PACRG: variants seen among roughly 807,000 people sequenced by gnomAD.
PACRG encodes parkin coregulated gene protein.
In PACRG, 29 loss-of-function variants were observed where a neutral mutation model predicts 29.7. The observed-to-expected ratio is 0.98, with a 90% confidence interval of 0.73 to 1.33. PACRG has a LOEUF of 1.33. Among genes scored for constraint, PACRG ranks in the 40% most tolerant of loss-of-function variants. The pLI, the probability that PACRG is intolerant of heterozygous loss-of-function variation, is 0.00. For synonymous variants in PACRG, 116 were observed against 118.7 expected (o/e 0.98, Z 0.15); for missense variants, 279 against 316.2 (o/e 0.88, Z 0.89).
At chr6:163,148,979 G>GGGGGGGGGGGAA (rs1562939620) in intron 4 of PACRG, among the ~76,000 whole-genome samples, 1 of 32,422 alleles carries the variant, frequency 3.1e-5, no homozygotes, top group African/African-American at 1.4e-4. Context: ...GGGGGGGGGG[G>GGGGGGGGGGGAA]GGTGGAAAAA....
chr6:163,208,393 G>C (rs1388666370), intron 4 of PACRG, among the ~76,000 whole-genome samples: 1 of 147,474 alleles, frequency 6.8e-6, no homozygotes, highest in Non-Finnish European at 1.5e-5. Flanking sequence ...GCAGAGATCA[G>C]AATCTAAGCT....
intron 2 of PACRG, among the ~76,000 whole-genome samples, chr6:163,022,494 T>C (rs1017402161): frequency 3.6e-4 from 55 of 152,066 alleles, no homozygotes; most frequent in African/African-American, 1.3e-3. Flanking sequence ...GACCCCTTGG[T>C]GGGAATGTGG....
intron 2 of PACRG, among the ~76,000 whole-genome samples, chr6:162,845,686 G>C (rs1790309659): frequency 1.3e-5 from 2 of 152,118 alleles, no homozygotes; most frequent in Admixed American, 1.3e-4. Context: ...CAGAAGCTTA[G>C]GACTTTAGCC....
chr6:162,978,428 T>C (rs59090823), intron 2 of PACRG, among the ~76,000 whole-genome samples: 10,778 of 151,976 alleles, frequency 0.071, 1,025 homozygotes, highest in African/African-American at 0.21. Context: ...TCTCTGGCTC[T>C]ATCTCTGTCT....
chr6:163,183,077 GA>G (rs1168963890), intron 4 of PACRG: 1 of 152,240 alleles, frequency 6.6e-6, no homozygotes, highest in African/African-American at 2.4e-5. Flanking sequence ...GACAATTGAA[GA>G]GTGAATGAAT....
chr6:163,035,051 G>A (rs542257470), intron 2 of PACRG, among the ~76,000 whole-genome samples: 37 of 152,284 alleles, frequency 2.4e-4, no homozygotes, highest in African/African-American at 8.9e-4. Context: ...CTTGTAAACT[G>A]TCATGGTGCT....
At chr6:162,905,226 G>A (rs1795849471) in intron 2 of PACRG, among the ~76,000 whole-genome samples, 1 of 152,142 alleles carries the variant, frequency 6.6e-6, no homozygotes, top group African/African-American at 2.4e-5. Context: ...GGCTTGGGAG[G>A]AGATGTTTAA....
At chr6:162,868,482 C>G (rs971376876) in intron 2 of PACRG, among the ~76,000 whole-genome samples, 2 of 152,214 alleles carry the variant, frequency 1.3e-5, no homozygotes. Context: ...TGGTGAGATG[C>G]GCGGTCCACA....
chr6:163,138,573 G>A (rs563602320), intron 4 of PACRG, among the ~76,000 whole-genome samples: 1 of 152,290 alleles, frequency 6.6e-6, no homozygotes, highest in Admixed American at 6.5e-5. Context: ...CACATGCGCA[G>A]TTCACAATAG....
intron 2 of PACRG, among the ~76,000 whole-genome samples, chr6:162,866,244 G>A (rs1792287709): frequency 6.6e-6 from 1 of 152,148 alleles, no homozygotes. Context: ...GATACTTTTG[G>A]TGAGAGAAAT....
At chr6:163,070,158 C>G (rs774167831) in intron 3 of PACRG, among the ~76,000 whole-genome samples, 3 of 151,986 alleles carry the variant, frequency 2.0e-5, no homozygotes, top group Non-Finnish European at 4.4e-5. Flanking sequence ...ACAAGAAATG[C>G]TAAAGGGAGT....
At chr6:162,847,920 CT>C in intron 2 of PACRG, among the ~76,000 whole-genome samples, 1 of 152,158 alleles carries the variant, frequency 6.6e-6, no homozygotes, top group Non-Finnish European at 1.5e-5. Flanking sequence ...AGGAAGAGGC[CT>C]GAGCAGATTT....
intron 2 of PACRG, among the ~76,000 whole-genome samples, chr6:163,038,753 G>T: frequency 6.6e-6 from 1 of 152,088 alleles, no homozygotes; most frequent in Non-Finnish European, 1.5e-5. Flanking sequence ...AGATCTCTAC[G>T]CAACAGGCAC....
intron 3 of PACRG, 25 bp from the exon 4 acceptor site, chr6:163,089,234 G>C (rs887673156): frequency 6.2e-7 from 1 of 1,602,758 alleles, no homozygotes; most frequent in African/African-American, 1.3e-5. Flanking sequence ...AATATTTTCT[G>C]CTTGGTCCTT....
intron 4 of PACRG, among the ~76,000 whole-genome samples, chr6:163,216,095 A>T (rs909523820): frequency 2.6e-5 from 4 of 152,218 alleles, no homozygotes; most frequent in Non-Finnish European, 5.9e-5. Flanking sequence ...CATGAAATGT[A>T]GACTTTTCCC....
At position 163,315,149 on chromosome 6, in the gene PACRG, G is replaced by A; in HGVS notation, c.*162G>A. On this transcript the variant is annotated 3_prime_UTR_variant, in exon 5 of 5. Transcript: ENST00000366888. Reference sequence around the variant, plus strand: ...GGACTGTTAGCCCTATTGAGAGCAAGGCTTTCCAATACATAAATAGTGTCT... The same window carrying A: ...GGACTGTTAGCCCTATTGAGAGCAAAGCTTTCCAATACATAAATAGTGTCT... 2.7e-6 allele frequency: 2 copies of A among 734,100 alleles called. No homozygotes were observed. Among genetic ancestry groups the A allele is most frequent in the South Asian group, 4.1e-5 (2 of 48,460 alleles). The allele number at this position is 734,100 out of a possible 1,614,324, so 45.5% of individuals were successfully genotyped here.
At chr6:162,795,804 G>T (rs1785334170) in intron 1 of PACRG, among the ~76,000 whole-genome samples, 1 of 151,998 alleles carries the variant, frequency 6.6e-6, no homozygotes, top group South Asian at 2.1e-4. Context: ...AATAGATCTT[G>T]TACATTTATT....
At position 163,183,997 on chromosome 6, in the gene PACRG, T is replaced by C. The variant is rs116855517; in HGVS notation, c.613+94589T>C. Among the ~76,000 whole-genome samples, 571 of 152,376 alleles carry C rather than the reference T, an allele frequency of 3.7e-3. 1 individual carries two copies. Among genetic ancestry groups the C allele is most frequent in the Non-Finnish European group, 6.2e-3 (424 of 68,034 alleles). ...CACTGGAACAGTATTTTGGCTGTAC[T>C]GGAGCACATCGAAAGGAATGAGATT... On this transcript the variant is annotated intron_variant, in intron 4 of 4. Transcript: ENST00000366888.
chr6:163,267,643 T>A (rs905360050), intron 4 of PACRG, among the ~76,000 whole-genome samples: 2 of 152,252 alleles, frequency 1.3e-5, no homozygotes, highest in Non-Finnish European at 2.9e-5. Flanking sequence ...TATTTTTGCA[T>A]ATCAATTCTA....
Sources: allele counts gnomAD v4.1 joint callset (sites outside exome capture counted in the v4.1 genomes callset), GRCh38; gene constraint gnomAD v4.1.1; transcripts MANE v1.5; gene names NCBI Gene and HGNC (gene_info 2026-07-23, HGNC 2026-07-21).